PTPRD: variants seen among roughly 807,000 people sequenced by gnomAD.
The protein encoded by PTPRD is receptor-type tyrosine-protein phosphatase delta.
In PTPRD, 34 loss-of-function variants were observed where a neutral mutation model predicts 214.5. That is an observed-to-expected ratio of 0.16 (90% confidence interval 0.12 to 0.21). The LOEUF (loss-of-function observed/expected upper bound fraction) is 0.21, where lower values mean the gene tolerates loss of function less well. Ranked by LOEUF, PTPRD falls within the 10% of genes least tolerant of loss-of-function variation. The probability of loss-of-function intolerance (pLI) is 1.00; values close to 1 mark genes in which losing one functional copy is unlikely to be tolerated. For missense variants in PTPRD, 2,545 were observed against 2,398.7 expected (o/e 1.06, Z -1.27); for synonymous variants, 1,128 against 845.7 (o/e 1.33, Z -5.79).
intron 2 of PTPRD, among the ~76,000 whole-genome samples, chr9:10,376,964 T>C (rs972344867): frequency 1.3e-5 from 2 of 152,048 alleles, no homozygotes; most frequent in African/African-American, 4.8e-5. Context: ...TTGACTATAG[T>C]CACCCTGTAG....
At chr9:10,538,293 A>AATAG (rs1212272047) in intron 2 of PTPRD, among the ~76,000 whole-genome samples, 1 of 128,320 alleles carries the variant, frequency 7.8e-6, no homozygotes, top group Non-Finnish European at 1.7e-5. Flanking sequence ...TAAATAAATA[A>AATAG]ATAAAAAGGG....
chr9:9,476,732 A>AT (rs1026155939), intron 8 of PTPRD, among the ~76,000 whole-genome samples: 4 of 151,972 alleles, frequency 2.6e-5, no homozygotes, highest in African/African-American at 7.3e-5. Context: ...ACTGATTTTT[A>AT]TTTTTTATTT....
intron 3 of PTPRD, among the ~76,000 whole-genome samples, chr9:10,049,339 A>T (rs530599651): frequency 6.6e-6 from 1 of 151,726 alleles, no homozygotes; most frequent in South Asian, 2.1e-4. Context: ...TACTTTCAGA[A>T]ATAGTAGCTT....
chr9:9,821,572 T>C (rs1598769454), intron 5 of PTPRD, among the ~76,000 whole-genome samples: 1 of 152,200 alleles, frequency 6.6e-6, no homozygotes, highest in East Asian at 1.9e-4. Flanking sequence ...AATATCATAA[T>C]GATTATTGCA....
chr9:8,509,283 A>G (rs868097432), intron 21 of PTPRD, among the ~76,000 whole-genome samples: 31 of 152,352 alleles, frequency 2.0e-4, no homozygotes, highest in Admixed American at 2.6e-4. Context: ...AAGCACTGGC[A>G]GGAGCAATAA....
At chr9:9,321,491 G>T (rs528883269) in intron 9 of PTPRD, among the ~76,000 whole-genome samples, 2 of 149,836 alleles carry the variant, frequency 1.3e-5, no homozygotes, top group Non-Finnish European at 3.0e-5. Flanking sequence ...GGAGGCAAAA[G>T]TTGCTGTGAG....
intron 2 of PTPRD, among the ~76,000 whole-genome samples, chr9:10,549,540 G>A (rs770107894): frequency 5.9e-5 from 9 of 152,120 alleles, no homozygotes; most frequent in Non-Finnish European, 1.2e-4. Flanking sequence ...GAGTATGTAC[G>A]TAGCAATATA....
chr9:9,301,909 G>A (rs1569567187), intron 9 of PTPRD, among the ~76,000 whole-genome samples: 1 of 151,890 alleles, frequency 6.6e-6, no homozygotes, highest in Non-Finnish European at 1.5e-5. Context: ...AAACTATAAT[G>A]AGAGCAGAAG....
chr9:9,429,745 A>G (rs1213587629), intron 8 of PTPRD, among the ~76,000 whole-genome samples: 2 of 152,236 alleles, frequency 1.3e-5, no homozygotes, highest in Non-Finnish European at 2.9e-5. Flanking sequence ...TGCTGGTTCA[A>G]CATACATAAA....
intron 6 of PTPRD, among the ~76,000 whole-genome samples, chr9:9,750,483 A>C (rs1018624133): frequency 6.6e-6 from 1 of 152,102 alleles, no homozygotes; most frequent in African/African-American, 2.4e-5. Flanking sequence ...CCCTTTGTTT[A>C]ACCCAGTTCT....
chr9:10,442,523 G>T (rs1357156684), intron 2 of PTPRD, among the ~76,000 whole-genome samples: 1 of 151,560 alleles, frequency 6.6e-6, no homozygotes, highest in Non-Finnish European at 1.5e-5. Flanking sequence ...GCTATAGGTA[G>T]GTCAGCAAAG....
chr9:10,009,317 T>C (rs995802934), intron 4 of PTPRD, among the ~76,000 whole-genome samples: 5 of 139,918 alleles, frequency 3.6e-5, no homozygotes, highest in Non-Finnish European at 8.1e-5. Context: ...TCCAAGGTGG[T>C]TGGGTTACAG....
chr9:9,790,119 G>T (rs898378957), intron 5 of PTPRD, among the ~76,000 whole-genome samples: 3 of 152,108 alleles, frequency 2.0e-5, no homozygotes, highest in African/African-American at 7.2e-5. Flanking sequence ...ATCTGGCTGG[G>T]AATCTAGACT....
chr9:10,157,244 A>C (rs2099099284), intron 3 of PTPRD, among the ~76,000 whole-genome samples: 1 of 152,098 alleles, frequency 6.6e-6, no homozygotes, highest in South Asian at 2.1e-4. Flanking sequence ...TGTGTACTTC[A>C]GTGTGTTTTT....
intron 2 of PTPRD, among the ~76,000 whole-genome samples, chr9:10,356,227 C>A (rs1021740645): frequency 1.3e-5 from 2 of 151,414 alleles, no homozygotes; most frequent in Non-Finnish European, 2.9e-5. Flanking sequence ...ATATTAGCAA[C>A]AAGAAGTAAA....
At position 8,952,300 on chromosome 9, in the gene PTPRD, C is replaced by G. The variant is rs375795118; in HGVS notation, c.-104+66397G>C. 3.3e-5 allele frequency among the ~76,000 whole-genome samples: 5 copies of G among 152,016 alleles called. No individual in the cohort carries two copies. In the East Asian group the frequency reaches 7.7e-4, roughly 24 times the overall value. On this transcript the variant is annotated intron_variant, in intron 11 of 45. Transcript: ENST00000381196. ...ATGTCAAATCTCATGGACCTTGGAA[C>G]ACACAGATAAAAATTCAGCATATTA...
intron 11 of PTPRD, among the ~76,000 whole-genome samples, chr9:8,929,901 G>GCGTGTA (rs2098938809): frequency 1.1e-5 from 1 of 88,390 alleles, no homozygotes; most frequent in African/African-American, 3.6e-5. Context: ...ATATATATGT[G>GCGTGTA]TATATATATG....
intron 37 of PTPRD, among the ~76,000 whole-genome samples, chr9:8,386,112 A>G (rs1169572847): frequency 6.6e-6 from 1 of 152,208 alleles, no homozygotes; most frequent in Non-Finnish European, 1.5e-5. Context: ...ATCTCAGTCA[A>G]TACCCACAAT....
chr9:9,266,828 T>A lies in PTPRD; in HGVS notation c.-202-83465A>T, dbSNP rs571771981. On this transcript the variant is annotated intron_variant, in intron 9 of 45. Coordinates refer to ENST00000381196, the MANE Select transcript of PTPRD (RefSeq NM_002839.4). ...AAAGCAGTTCTAGGAGAAAAGCTTA[T>A]GGAAGTAAATGCCTAAATGGAGAAA... 1.3e-3 allele frequency among the ~76,000 whole-genome samples: 196 copies of A among 150,928 alleles called. 4 individuals are homozygous for A. The South Asian group carries it at 0.038, about 30-fold the overall frequency.
Sources: gnomAD v4.1 joint callset for allele counts (sites outside exome capture counted in the v4.1 genomes callset) on GRCh38, gnomAD v4.1.1 for gene constraint, MANE v1.5 for transcripts, NCBI Gene and HGNC (gene_info 2026-07-23, HGNC 2026-07-21) for gene names.